Variants in IREB2 observed in about 807,000 individuals in gnomAD.
IREB2 encodes iron-responsive element-binding protein 2.
A neutral mutation model predicts 118.8 loss-of-function variants in IREB2; 39 were observed. That is an observed-to-expected ratio of 0.33 (90% CI 0.25 to 0.43). IREB2 has a LOEUF of 0.43. IREB2 is among the 20% of genes least tolerant of loss of function. The pLI is 1.00. For synonymous variants in IREB2, 372 were observed against 392.2 expected, an observed-to-expected ratio of 0.95 and a Z score of 0.61; for missense variants, 900 against 1,147.3, an observed-to-expected ratio of 0.78 and a Z score of 3.11.
intron 2 of IREB2, among the ~76,000 whole-genome samples, chr15:78,443,432 T>C (rs1050227714): frequency 6.6e-6 from 1 of 152,216 alleles, no homozygotes; most frequent in Non-Finnish European, 1.5e-5. Context: ...TGCCTTCTCT[T>C]ATTCTGACTT....
In IREB2 at chr15:78,493,952, A is replaced by G; in HGVS notation, c.2368A>G (p.Asn790Asp). ...CAACTCTTACGGAGCTCGAAGAGGT[A>G]ATGATGCTGTAATGACAAGAGGCAC... ...EFNSYGARRG[N>D]DAVMTRGTFA... Residue 790 changes from asparagine to aspartate, a missense_variant, in exon 19 of 22, where the codon AAT becomes GAT. Coordinates refer to ENST00000258886, the MANE Select transcript of IREB2 (RefSeq NM_004136.4). The G allele has an allele frequency of 6.2e-7, 1 of 1,614,022 alleles. No homozygotes were observed. Among genetic ancestry groups the G allele is most frequent in the Non-Finnish European group, 8.5e-7 (1 of 1,179,876 alleles).
In IREB2 at chr15:78,500,475, ATCTG is replaced by A. The variant is rs903237262; in HGVS notation, c.*2334_*2337del. 2 of 150,822 alleles carry A rather than the reference ATCTG, an allele frequency of 1.3e-5. No individual in the cohort carries two copies. The highest frequency in any genetic ancestry group is 4.9e-5 in the African/African-American group (2 of 40,900). The allele number at this position is 150,822 out of a possible 1,614,324, so 9.3% of individuals were successfully genotyped here. The stretch of plus-strand genomic sequence containing the variant: ...AAATGCTATGTTTGCAAAATGTGGC[ATCTG>A]TTAGTTTTTATTGTCTGTGTCTTCT... On this transcript the variant is annotated 3_prime_UTR_variant, in exon 22 of 22. Coordinates refer to ENST00000258886, the MANE Select transcript of IREB2 (RefSeq NM_004136.4).
At chr15:78,486,533 A>T (rs556841318) in intron 13 of IREB2, among the ~76,000 whole-genome samples, 63 of 152,288 alleles carry the variant, frequency 4.1e-4, no homozygotes, top group African/African-American at 1.5e-3. Context: ...TTAACCTGGG[A>T]AGCGGAGGTT....
intron 2 of IREB2, among the ~76,000 whole-genome samples, chr15:78,440,317 CTGAT>C: frequency 6.6e-6 from 1 of 151,972 alleles, no homozygotes; most frequent in Admixed American, 6.6e-5. Context: ...ACCTGACTGA[CTGAT>C]GATAATTCTA....
chr15:78,500,276 C>T lies in IREB2; in HGVS notation c.*2133C>T, dbSNP rs938898249. ...ATTAAACATTCACATATCCAGTCTA[C>T]CTGGTCCAGTAATAATACAAGCAAA... is the stretch of plus-strand genomic sequence containing the variant. On this transcript the variant is annotated 3_prime_UTR_variant, in exon 22 of 22. Coordinates refer to ENST00000258886, the MANE Select transcript of IREB2 (RefSeq NM_004136.4). The T allele has an allele frequency of 3.9e-5, 6 of 152,118 alleles. No homozygotes were observed. Among genetic ancestry groups the T allele is most frequent in the African/African-American group, 1.2e-4 (5 of 41,424 alleles). The allele number at this position is 152,118 out of a possible 1,614,324, so 9.4% of individuals were successfully genotyped here. A position where few individuals can be genotyped will look rare whatever the true frequency, so the allele number is the denominator to read the frequency against.
Position 78,488,240 on chromosome 15 carries a change from G to A in IREB2, c.1855G>A (p.Asp619Asn). Residue 619 changes from aspartate to asparagine, a missense_variant, in exon 15 of 22, where the codon GAT becomes AAT. Asp to Asn is a conservative substitution (Grantham distance 23, BLOSUM62 1). Coordinates refer to ENST00000258886, the MANE Select transcript of IREB2 (RefSeq NM_004136.4). Reference protein sequence around the residue: ...GNKNFEGRLCDCVRANYLASP... With the variant: ...GNKNFEGRLCNCVRANYLASP... ...CAAAAATTTTGAAGGTCGTCTTTGT[G>A]ATTGTGTTCGTGCCAATTATCTTGC... is the stretch of plus-strand genomic sequence containing the variant. The A allele has an allele frequency of 6.2e-7, 1 of 1,612,486 alleles. No individual in the cohort carries two copies. The highest frequency in any genetic ancestry group is 8.5e-7 in the Non-Finnish European group (1 of 1,179,524).
intron 21 of IREB2, 142 bp downstream of exon 21, chr15:78,497,453 T>TAGC: frequency 1.5e-6 from 1 of 655,446 alleles, no homozygotes; most frequent in Non-Finnish European, 2.6e-6. Context: ...TCTTCCATAC[T>TAGC]TAGATCTAGC....
At chr15:78,482,681 A>G (rs2051594474) in intron 10 of IREB2, among the ~76,000 whole-genome samples, 3 of 152,078 alleles carry the variant, frequency 2.0e-5, no homozygotes, top group Admixed American at 2.0e-4. Context: ...TGGCATAGGC[A>G]TCTATTTTAT....
At chr15:78,474,937 C>T (rs1010810631) in intron 8 of IREB2, 1 of 151,716 alleles carries the variant, frequency 6.6e-6, no homozygotes, top group African/African-American at 2.4e-5. Flanking sequence ...CGCCTGTAGT[C>T]CCAGCTTCTC....
intron 2 of IREB2, among the ~76,000 whole-genome samples, chr15:78,461,927 A>G (rs1324026005): frequency 6.6e-6 from 1 of 152,170 alleles, no homozygotes; most frequent in African/African-American, 2.4e-5. Context: ...TACTCCCAAT[A>G]AGGAAGTACA....
Position 78,500,503 on chromosome 15 carries a change from CTTT to C in IREB2, c.*2361_*2363del, listed in dbSNP as rs2051922900. The C allele has an allele frequency of 7.6e-6, 1 of 131,168 alleles. No homozygotes were observed. The highest frequency in any genetic ancestry group is 3.0e-5 in the African/African-American group (1 of 33,472). The allele number at this position is 131,168 out of a possible 1,614,324, so 8.1% of individuals were successfully genotyped here. The stretch of plus-strand genomic sequence containing the variant: ...TGTTAGTTTTTATTGTCTGTGTCTT[CTTT>C]GTTTACTATACCTTGGGTAATTTTG... On this transcript the variant is annotated 3_prime_UTR_variant, in exon 22 of 22. Transcript: ENST00000258886.
chr15:78,476,358 A>C lies in IREB2; in HGVS notation c.1194A>C (p.Thr398=). ...DNVTLKHLEH[T]GFSKAKLESM... ...TGACATTAAAACATTTAGAACATAC[A>C]GGTAAGAAGATAAAAGATCACTAGA... Residue 398 remains threonine (T), a splice_region_variant and synonymous_variant, in exon 9 of 22, where the codon ACA becomes ACC. Coordinates refer to ENST00000258886, the MANE Select transcript of IREB2 (RefSeq NM_004136.4). 6.5e-7 allele frequency: 1 copy of C among 1,536,638 alleles called. No individual in the cohort carries two copies. Among genetic ancestry groups the C allele is most frequent in the South Asian group, 1.2e-5 (1 of 80,398 alleles).
intron 18 of IREB2, among the ~76,000 whole-genome samples, chr15:78,491,198 G>A (rs568321039): frequency 6.6e-6 from 1 of 152,024 alleles, no homozygotes; most frequent in South Asian, 2.1e-4. Context: ...GGAATGATAT[G>A]TACAAATCAA....
chr15:78,440,607 T>G (rs1369379572), intron 2 of IREB2, among the ~76,000 whole-genome samples: 2 of 152,262 alleles, frequency 1.3e-5, no homozygotes, highest in Non-Finnish European at 2.9e-5. Flanking sequence ...CCTTAAGTGA[T>G]GCATCTGCCT....
rs906019176 is a variant in IREB2 at position 78,439,816 on chromosome 15, T to C, written c.41T>C (p.Ile14Thr). The C allele has an allele frequency of 6.3e-7, 1 of 1,596,622 alleles. No homozygotes were observed. Among genetic ancestry groups the C allele is most frequent in the African/African-American group, 1.3e-5 (1 of 74,316 alleles). The change falls in exon 2 of 22, where the codon ATT becomes ACT. Residue 14 changes from isoleucine to threonine, a missense_variant. Transcript: ENST00000258886. ...TCAGGATACGCCTTTGAGTACCTTA[T>C]TGAAACATTAAATGACAGTTCACAT... The part of the protein sequence containing the change: ...PKAGYAFEYL[I>T]ETLNDSSHKK...
At chr15:78,486,091 T>C (rs914684192) in intron 13 of IREB2, among the ~76,000 whole-genome samples, 6 of 152,170 alleles carry the variant, frequency 3.9e-5, no homozygotes, top group Non-Finnish European at 8.8e-5. Flanking sequence ...AGATACTTAG[T>C]TGGGAAGACA....
At chr15:78,480,643 G>A (rs1233421883) in intron 10 of IREB2, among the ~76,000 whole-genome samples, 1 of 131,100 alleles carries the variant, frequency 7.6e-6, no homozygotes, top group Non-Finnish European at 1.6e-5. Flanking sequence ...GAGCTGAGAT[G>A]ACACCACTAC....
rs554719368 is a variant in IREB2 at position 78,471,776 on chromosome 15, C to T, written c.735C>T (p.Ile245=). Residue 245 remains isoleucine, a synonymous_variant, in exon 7 of 22, where the codon ATC becomes ATT. Transcript: ENST00000258886. Reference sequence around the variant, plus strand: ...GAGTTTTTAAGAATGTGGCAGTGATCCCTCCTGGAACTGGAATGGCTCATC... The same window carrying T: ...GAGTTTTTAAGAATGTGGCAGTGATTCCTCCTGGAACTGGAATGGCTCATC... ...SSRVFKNVAV[I]PPGTGMAHQI... 6.2e-6 allele frequency: 10 copies of T among 1,610,086 alleles called. No individual in the cohort carries two copies. Among genetic ancestry groups the T allele is most frequent in the South Asian group, 1.1e-5 (1 of 89,866 alleles).
In IREB2 at chr15:78,497,112, C is replaced by T; in HGVS notation, c.2596-14C>T. On this transcript the variant is annotated splice_polypyrimidine_tract_variant and intron_variant, in intron 20 of 21. Transcript: ENST00000258886. Reference sequence around the variant, plus strand: ...AGAAGTGATTAGAGGGAATAAAATGCACATTTATTACAGGGTGTGAAAGCT... The same window carrying T: ...AGAAGTGATTAGAGGGAATAAAATGTACATTTATTACAGGGTGTGAAAGCT... 6.3e-7 allele frequency: 1 copy of T among 1,598,974 alleles called. No homozygotes were observed. Among genetic ancestry groups the T allele is most frequent in the Non-Finnish European group, 8.6e-7 (1 of 1,166,622 alleles).
Sources: allele counts gnomAD v4.1 joint callset (sites outside exome capture counted in the v4.1 genomes callset), GRCh38; gene constraint gnomAD v4.1.1; transcripts MANE v1.5; gene names NCBI Gene and HGNC (gene_info 2026-07-23, HGNC 2026-07-21).